The following MTX2 variants were observed in gnomAD, a reference collection of about 807,000 sequenced individuals.
MTX2 encodes the protein metaxin-2.
Under a neutral mutation model 42.3 loss-of-function variants are expected in MTX2, and 35 were observed. The observed-to-expected ratio is 0.83, with a 90% CI of 0.63 to 1.10. MTX2 has a LOEUF of 1.10. MTX2 is among the 50% of genes least tolerant of loss of function. The pLI is 0.00. For missense variants in MTX2, 307 were observed against 304.1 expected, an observed-to-expected ratio of 1.01 and a Z score of -0.07; for synonymous variants, 119 against 100.9, an observed-to-expected ratio of 1.18 and a Z score of -1.08.
intron 3 of MTX2, among the ~76,000 whole-genome samples, chr2:176,309,853 T>G (rs994007657): frequency 1.3e-5 from 2 of 152,100 alleles, no homozygotes; most frequent in Non-Finnish European, 1.5e-5. Context: ...CTTGACTCTT[T>G]ATCCAATTTG....
At position 176,314,047 on chromosome 2, in the gene MTX2, CT is replaced by C. The variant is rs200155670; in HGVS notation, c.136-9335del. Among the ~76,000 whole-genome samples, 61 of 148,620 alleles carry C rather than the reference CT, an allele frequency of 4.1e-4. 1 individual carries two copies. In the South Asian group the frequency reaches 7.1e-3, roughly 17 times the overall value. ...TTTTCTGAACTGTGTATTGCTTCTTCTTTTTTTTTTAACTTAATGCAGTTAA... is the reference window on the plus strand; with the variant it reads ...TTTTCTGAACTGTGTATTGCTTCTTCTTTTTTTTTAACTTAATGCAGTTAA... On this transcript the variant is annotated intron_variant, in intron 3 of 9. Transcript: ENST00000249442.
intron 3 of MTX2, among the ~76,000 whole-genome samples, chr2:176,303,484 G>A (rs1032917818): frequency 6.6e-6 from 1 of 152,022 alleles, no homozygotes; most frequent in Non-Finnish European, 1.5e-5. Flanking sequence ...TGATATCACT[G>A]AGTTTAAATT....
chr2:176,328,322 A>T lies in MTX2; in HGVS notation c.315A>T (p.Glu105Asp). ...KGHSLSDGLE[E>D]VQKAEMKAYM... ...ATTCTCTTAGTGATGGGCTGGAGGA[A>T]GTCCAAAAAGCAGAAATGAAAGCTT... The change falls in exon 6 of 10, where the codon GAA becomes GAT. Residue 105 changes from glutamate (E) to aspartate (D), a missense_variant. Physicochemically the swap from Glu to Asp is conservative, Grantham distance 45. Coordinates refer to ENST00000249442, the MANE Select transcript of MTX2 (RefSeq NM_006554.5). 2 of 1,591,346 alleles carry T rather than the reference A, an allele frequency of 1.3e-6. No homozygotes were observed. Among genetic ancestry groups the T allele is most frequent in the Non-Finnish European group, 1.7e-6 (2 of 1,169,326 alleles).
chr2:176,325,662 C>G (rs980305130), intron 4 of MTX2, among the ~76,000 whole-genome samples: 2 of 151,718 alleles, frequency 1.3e-5, no homozygotes, highest in African/African-American at 4.8e-5. Flanking sequence ...ATTCTCAGAT[C>G]ATTTGATCTC....
At chr2:176,291,876 C>T (rs1029352514) in intron 1 of MTX2, among the ~76,000 whole-genome samples, 3 of 151,878 alleles carry the variant, frequency 2.0e-5, no homozygotes, top group Non-Finnish European at 4.4e-5. Flanking sequence ...TGGATGAAGG[C>T]CAGTGGGGCT....
intron 1 of MTX2, among the ~76,000 whole-genome samples, chr2:176,275,540 A>G (rs898727319): frequency 1.3e-5 from 2 of 152,176 alleles, no homozygotes; most frequent in Non-Finnish European, 2.9e-5. Flanking sequence ...TGCCCGGCCT[A>G]GAATTTTAAA....
At chr2:176,273,736 T>C (rs543653288) in intron 1 of MTX2, among the ~76,000 whole-genome samples, 8 of 152,300 alleles carry the variant, frequency 5.3e-5, no homozygotes, top group Admixed American at 1.3e-4. Context: ...ATAGGACTTA[T>C]TCTGTCCATT....
At chr2:176,274,917 C>A (rs1208655425) in intron 1 of MTX2, among the ~76,000 whole-genome samples, 2 of 152,110 alleles carry the variant, frequency 1.3e-5, no homozygotes, top group South Asian at 2.1e-4. Flanking sequence ...AATGACGTTG[C>A]CTCTCTTCTC....
chr2:176,270,052 CAAA>C (rs1692762464), intron 1 of MTX2, among the ~76,000 whole-genome samples: 1 of 152,086 alleles, frequency 6.6e-6, no homozygotes, highest in Non-Finnish European at 1.5e-5. Context: ...TCTTGGTACT[CAAA>C]AAGTTTAAGG....
chr2:176,278,723 A>G (rs1453422881), intron 1 of MTX2, among the ~76,000 whole-genome samples: 1 of 152,180 alleles, frequency 6.6e-6, no homozygotes, highest in African/African-American at 2.4e-5. Context: ...GACTGAAGAT[A>G]TCAAATAGAG....
chr2:176,296,729 G>A (rs1206536534), intron 1 of MTX2, 131 bp from the exon 2 acceptor site: 4 of 826,144 alleles, frequency 4.8e-6, no homozygotes, highest in Non-Finnish European at 8.1e-6. Context: ...AGTGTGATTA[G>A]TTGCCATGTA....
chr2:176,314,174 C>A (rs936519464), intron 3 of MTX2, among the ~76,000 whole-genome samples: 2 of 152,086 alleles, frequency 1.3e-5, no homozygotes, highest in Non-Finnish European at 2.9e-5. Flanking sequence ...TGGTGACTCA[C>A]GCCTCTAATC....
In MTX2 at chr2:176,300,767, A is replaced by G. The variant is rs189097697; in HGVS notation, c.135+2872A>G. On this transcript the variant is annotated intron_variant, in intron 3 of 9. Coordinates refer to ENST00000249442, the MANE Select transcript of MTX2 (RefSeq NM_006554.5). ...AAGTTTGCTCAAATGTAAAATAGAAATATAATAGAAGCTATCCTGTTGGGT... is the reference window on the plus strand; with the variant it reads ...AAGTTTGCTCAAATGTAAAATAGAAGTATAATAGAAGCTATCCTGTTGGGT... 4.1e-3 allele frequency among the ~76,000 whole-genome samples: 618 copies of G among 152,272 alleles called. 3 individuals are homozygous for G. Among genetic ancestry groups the G allele is most frequent in the Admixed American group, 6.1e-3 (93 of 15,278 alleles).
rs1693195028 is a variant in MTX2 at position 176,286,147 on chromosome 2, G to T, written c.41-10713G>T. Among the ~76,000 whole-genome samples, 3 of 151,998 alleles carry T rather than the reference G, an allele frequency of 2.0e-5. No individual in the cohort carries two copies. In the South Asian group the frequency reaches 6.3e-4, roughly 32 times the overall value. Reference sequence around the variant, plus strand: ...CTGAGTATCTTTTCATGTGCTTTTTGGCCATTTGTATATCTCCTTTGGAAA... The same window carrying T: ...CTGAGTATCTTTTCATGTGCTTTTTTGCCATTTGTATATCTCCTTTGGAAA... On this transcript the variant is annotated intron_variant, in intron 1 of 9. Transcript: ENST00000249442.
intron 1 of MTX2, among the ~76,000 whole-genome samples, chr2:176,273,103 C>T (rs1692862342): frequency 6.6e-6 from 1 of 152,186 alleles, no homozygotes; most frequent in Non-Finnish European, 1.5e-5. Flanking sequence ...GGGCAAGAGC[C>T]AGGGACTGAG....
rs147343638 is a variant in MTX2, at chr2:176,314,310, G to A, written c.136-9082G>A. Among the ~76,000 whole-genome samples the A allele has an allele frequency of 3.8e-3, 570 of 151,954 alleles. 7 individuals are homozygous for A. The highest frequency in any genetic ancestry group is 0.012 in the African/African-American group (505 of 41,442). On this transcript the variant is annotated intron_variant, in intron 3 of 9. Coordinates refer to ENST00000249442, the MANE Select transcript of MTX2 (RefSeq NM_006554.5). ...AAATTAGCTGGGTGTAGTAGTACAC[G>A]CCTGTAGTCCCACCTACTTGGGAGG...
intron 7 of MTX2, among the ~76,000 whole-genome samples, 157 bp downstream of exon 7, chr2:176,329,069 A>G (rs1467290408): frequency 6.6e-6 from 1 of 151,334 alleles, no homozygotes; most frequent in Non-Finnish European, 1.5e-5. Context: ...ATAACATTTT[A>G]GGGAAGCTAT....
At chr2:176,288,880 A>C (rs931288108) in intron 1 of MTX2, among the ~76,000 whole-genome samples, 1 of 151,882 alleles carries the variant, frequency 6.6e-6, no homozygotes, top group African/African-American at 2.4e-5. Flanking sequence ...CTTATATTAG[A>C]TCATCGAGAG....
At chr2:176,278,879 TA>T (rs1038934114) in intron 1 of MTX2, among the ~76,000 whole-genome samples, 4 of 152,194 alleles carry the variant, frequency 2.6e-5, no homozygotes, top group African/African-American at 9.6e-5. Context: ...TATTGCTTTG[TA>T]AATGATCCTC....
Sources: allele counts gnomAD v4.1 joint callset (sites outside exome capture counted in the v4.1 genomes callset), GRCh38; gene constraint gnomAD v4.1.1; transcripts MANE v1.5; gene names NCBI Gene and HGNC (gene_info 2026-07-23, HGNC 2026-07-21).